The following KLHDC3 variants were observed in gnomAD, a reference collection of about 807,000 sequenced individuals.
The protein encoded by KLHDC3 is kelch domain-containing protein 3.
A neutral mutation model predicts 44.1 loss-of-function variants in KLHDC3; 5 were observed. That is an observed-to-expected ratio of 0.11 (90% confidence interval 0.06 to 0.24). The LOEUF (loss-of-function observed/expected upper bound fraction) is 0.24. KLHDC3 is among the 10% of genes least tolerant of loss of function. KLHDC3 has a pLI of 1.00. For synonymous variants in KLHDC3, 170 were observed against 189.0 expected, an observed-to-expected ratio of 0.90 and a Z score of 0.82; for missense variants, 247 against 514.3, an observed-to-expected ratio of 0.48 and a Z score of 5.03.
chr6:43,020,439 A>G (rs780515237), intron 10 of KLHDC3, among the ~76,000 whole-genome samples: 2 of 152,108 alleles, frequency 1.3e-5, no homozygotes, highest in Non-Finnish European at 2.9e-5. Context: ...CATAAACATA[A>G]ACCGGAAATC....
chr6:43,016,988 T>A (rs1762593826), intron 1 of KLHDC3, 146 bp from the exon 2 acceptor site: 11 of 627,612 alleles, frequency 1.8e-5, no homozygotes, highest in Non-Finnish European at 2.8e-5. Flanking sequence ...GCCAGCCACC[T>A]GAGCTGAGAC....
At chr6:43,015,356 C>T (rs1762539558) in intron 1 of KLHDC3, among the ~76,000 whole-genome samples, 1 of 152,144 alleles carries the variant, frequency 6.6e-6, no homozygotes, top group South Asian at 2.1e-4. Flanking sequence ...AGGGGCCTCC[C>T]TTATTTGAGC....
rs767477810 is a variant in KLHDC3, at chr6:43,017,986, A to G, written c.447+18A>G. ...AGCAGCAGGTAGGTCTGGGAATAAA[A>G]TAAGAGGTTTAGGGTGGGACTGAGA... On this transcript the variant is annotated intron_variant, in intron 4 of 10. Transcript: ENST00000326974. This position sits in a 1 kb window ranked among gnomAD's most constrained non-coding sequence, Gnocchi z 6.0. 3 of 1,595,890 alleles carry G rather than the reference A, an allele frequency of 1.9e-6. No individual in the cohort carries two copies. The highest frequency in any genetic ancestry group is 2.2e-5 in the South Asian group (2 of 90,706).
chr6:43,017,370 C>A lies in KLHDC3; in HGVS notation c.154+24C>A, dbSNP rs200177263. 128 of 1,601,994 alleles carry A rather than the reference C, an allele frequency of 8.0e-5. No individual in the cohort carries two copies. In the East Asian group the frequency reaches 2.8e-3, roughly 35 times the overall value. On this transcript the variant is annotated intron_variant, in intron 2 of 10. Coordinates refer to ENST00000326974, the MANE Select transcript of KLHDC3 (RefSeq NM_057161.4). This position sits in a 1 kb window ranked among gnomAD's most constrained non-coding sequence, Gnocchi z 6.0. ...AGGTAAGCCAATGCTGGGGCTGTCCCTGGGTCCCCACATCAGGGTGGGAAC... is the reference window on the plus strand; with the variant it reads ...AGGTAAGCCAATGCTGGGGCTGTCCATGGGTCCCCACATCAGGGTGGGAAC...
rs764743559 is a variant in KLHDC3 at position 43,017,236 on chromosome 6, T to C, written c.44T>C (p.Val15Ala). Reference sequence around the variant, plus strand: ...CACCTGGAGGGCGGGCCCCGCAGGGTGAACCATGCTGCAGTGGCTGTCGGG... The same window carrying C: ...CACCTGGAGGGCGGGCCCCGCAGGGCGAACCATGCTGCAGTGGCTGTCGGG... ...TVHLEGGPRR[V>A]NHAAVAVGHR... The change falls in exon 2 of 11, where the codon GTG becomes GCG. Residue 15 changes from valine to alanine, a missense_variant. Transcript: ENST00000326974. This position sits in a 1 kb window ranked among gnomAD's most constrained non-coding sequence, Gnocchi z 6.0. The C allele has an allele frequency of 7.4e-6, 12 of 1,613,968 alleles. No individual in the cohort carries two copies. Among genetic ancestry groups the C allele is most frequent in the South Asian group, 3.3e-5 (3 of 91,078 alleles).
chr6:43,017,791 C>A lies in KLHDC3; in HGVS notation c.332-62C>A. On this transcript the variant is annotated intron_variant, in intron 3 of 10. Coordinates refer to ENST00000326974, the MANE Select transcript of KLHDC3 (RefSeq NM_057161.4). The surrounding 1 kb of genome is among the most constrained non-coding windows in gnomAD (Gnocchi z 6.0). ...GGGGGTCTTGGGGAGTAGAGTACCC[C>A]AGAGCTGAGGAGGGACTGTCATAGA... 1 of 1,585,704 alleles carries A rather than the reference C, an allele frequency of 6.3e-7. No homozygotes were observed. The highest frequency in any genetic ancestry group is 8.6e-7 in the Non-Finnish European group (1 of 1,156,576).
chr6:43,014,679 A>C, intron 1 of KLHDC3: 1 of 455,150 alleles, frequency 2.2e-6, no homozygotes, highest in Non-Finnish European at 4.4e-6. Flanking sequence ...GGAAGAAGAC[A>C]GGGATAGAGT....
chr6:43,014,867 G>A (rs1412501358), intron 1 of KLHDC3, among the ~76,000 whole-genome samples: 1 of 152,126 alleles, frequency 6.6e-6, no homozygotes, highest in Admixed American at 6.5e-5. Flanking sequence ...AAATGCAAGA[G>A]ACCAGGCGGG....
chr6:43,015,968 G>A lies in KLHDC3; in HGVS notation c.-59-1166G>A, dbSNP rs868174279. 4.7e-5 allele frequency among the ~76,000 whole-genome samples: 7 copies of A among 150,024 alleles called. No homozygotes were observed. In the South Asian group the frequency reaches 8.4e-4, roughly 18 times the overall value. On this transcript the variant is annotated intron_variant, in intron 1 of 10. Coordinates refer to ENST00000326974, the MANE Select transcript of KLHDC3 (RefSeq NM_057161.4). ...TTTTTTTGTTTTGAGACAGAGTCTC[G>A]CTCTGTCGCCAGACTGGAGTGCAGT...
In KLHDC3 at chr6:43,018,676, A is replaced by T; in HGVS notation, c.777A>T (p.Ala259=). Residue 259 remains alanine (A), a synonymous_variant, in exon 7 of 11, where the codon GCA becomes GCT. Coordinates refer to ENST00000326974, the MANE Select transcript of KLHDC3 (RefSeq NM_057161.4). This position sits in a 1 kb window ranked among gnomAD's most constrained non-coding sequence, Gnocchi z 6.0. ...TGTACATCTTTGGTGGTTATAATGC[A>T]AGGCTGAACCGGCACTTCCATGACC... ...GELYIFGGYN[A]RLNRHFHDLW... 1 of 1,614,130 alleles carries T rather than the reference A, an allele frequency of 6.2e-7. No homozygotes were observed. The highest frequency in any genetic ancestry group is 8.5e-7 in the Non-Finnish European group (1 of 1,180,012).
Position 43,018,096 on chromosome 6 carries a change from A to G in KLHDC3, c.448-49A>G. On this transcript the variant is annotated intron_variant, in intron 4 of 10. Transcript: ENST00000326974. This position sits in a 1 kb window ranked among gnomAD's most constrained non-coding sequence, Gnocchi z 6.0. Reference sequence around the variant, plus strand: ...TGAGGGGAGGGATGGAGGGTCAGAGAGTGACCATTGGCTCCCTCTTTTCTT... The same window carrying G: ...TGAGGGGAGGGATGGAGGGTCAGAGGGTGACCATTGGCTCCCTCTTTTCTT... The G allele has an allele frequency of 6.9e-7, 1 of 1,448,506 alleles. No individual in the cohort carries two copies. The highest frequency in any genetic ancestry group is 9.7e-7 in the Non-Finnish European group (1 of 1,029,312). The allele number at this position is 1,448,506 out of a possible 1,614,324, so 89.7% of individuals were successfully genotyped here.
chr6:43,018,610 T>A lies in KLHDC3; in HGVS notation c.734-23T>A. ...TCCCTTCCTGCCCTCTTCACACTCC[T>A]GACACTTCCTCTCTCCTTCCAGTTG... On this transcript the variant is annotated intron_variant, in intron 6 of 10. Coordinates refer to ENST00000326974, the MANE Select transcript of KLHDC3 (RefSeq NM_057161.4). This position sits in a 1 kb window ranked among gnomAD's most constrained non-coding sequence, Gnocchi z 6.0. 1 of 1,612,744 alleles carries A rather than the reference T, an allele frequency of 6.2e-7. No individual in the cohort carries two copies. The highest frequency in any genetic ancestry group is 8.5e-7 in the Non-Finnish European group (1 of 1,178,766).
At position 43,017,327 on chromosome 6, in the gene KLHDC3, T is replaced by C; in HGVS notation, c.135T>C (p.Asp45=). Residue 45 remains aspartate (D), a synonymous_variant, in exon 2 of 11, where the codon GAT becomes GAC. Transcript: ENST00000326974. This position sits in a 1 kb window ranked among gnomAD's most constrained non-coding sequence, Gnocchi z 6.0. Reference sequence around the variant, plus strand: ...ACTATGAGACACTGCGTCAGATAGATGTGCACATTTTCAATGCAGGTAAGC... The same window carrying C: ...ACTATGAGACACTGCGTCAGATAGACGTGCACATTTTCAATGCAGGTAAGC... ...GEDYETLRQI[D]VHIFNAVSLR... 6.2e-7 allele frequency: 1 copy of C among 1,613,628 alleles called. No individual in the cohort carries two copies. The highest frequency in any genetic ancestry group is 8.5e-7 in the Non-Finnish European group (1 of 1,179,662).
In KLHDC3 at chr6:43,018,315, C is replaced by T; in HGVS notation, c.520-28C>T. 1 of 1,603,502 alleles carries T rather than the reference C, an allele frequency of 6.2e-7. No homozygotes were observed. The highest frequency in any genetic ancestry group is 8.5e-7 in the Non-Finnish European group (1 of 1,171,126). ...TCCTCTTCCAGTCTTTGTGCTGACCCCTCCACCATCTCTCTGCCTCTGCCC... is the reference window on the plus strand; with the variant it reads ...TCCTCTTCCAGTCTTTGTGCTGACCTCTCCACCATCTCTCTGCCTCTGCCC... On this transcript the variant is annotated intron_variant, in intron 5 of 10. Coordinates refer to ENST00000326974, the MANE Select transcript of KLHDC3 (RefSeq NM_057161.4). This position sits in a 1 kb window ranked among gnomAD's most constrained non-coding sequence, Gnocchi z 6.0.
chr6:43,015,352 C>T (rs1412831179), intron 1 of KLHDC3, among the ~76,000 whole-genome samples: 1 of 152,156 alleles, frequency 6.6e-6, no homozygotes, highest in African/African-American at 2.4e-5. Flanking sequence ...TGCAAGGGGC[C>T]TCCCTTATTT....
intron 8 of KLHDC3, 60 bp from the exon 9 acceptor site, chr6:43,019,032 G>A: frequency 6.4e-7 from 1 of 1,573,142 alleles, no homozygotes. Context: ...GGAGGTATTT[G>A]AAAAGGGGGT....
At chr6:43,015,722 C>T (rs1032156897) in intron 1 of KLHDC3, among the ~76,000 whole-genome samples, 7 of 151,900 alleles carry the variant, frequency 4.6e-5, no homozygotes, top group Non-Finnish European at 1.0e-4. Flanking sequence ...TGGTGGCAGG[C>T]GCCTGTAATC....
rs1381026953 is a variant in KLHDC3, at chr6:43,017,875, C to T, written c.354C>T (p.Pro118=). The T allele has an allele frequency of 1.2e-6, 2 of 1,613,840 alleles. No homozygotes were observed. The highest frequency in any genetic ancestry group is 1.7e-6 in the Non-Finnish European group (2 of 1,179,954). ...FDVNTHKWFT[P]RVSGTVPGAR... ...CAGATACGCACAAGTGGTTCACACC[C>T]CGAGTGTCAGGGACAGTTCCTGGGG... is the stretch of plus-strand genomic sequence containing the variant. Residue 118 remains proline (P), a synonymous_variant, in exon 4 of 11, where the codon CCC becomes CCT. Transcript: ENST00000326974. This position sits in a 1 kb window ranked among gnomAD's most constrained non-coding sequence, Gnocchi z 6.0.
intron 1 of KLHDC3, among the ~76,000 whole-genome samples, chr6:43,016,208 C>T (rs1045262840): frequency 6.6e-6 from 1 of 152,192 alleles, no homozygotes; most frequent in Non-Finnish European, 1.5e-5. Context: ...GCTGGGATTA[C>T]AGGTGTGAGC....
Sources: gnomAD v4.1 joint callset for allele counts (sites outside exome capture counted in the v4.1 genomes callset) on GRCh38, gnomAD v4.1.1 for gene constraint, Gnocchi (gnomAD v3.1) non-coding constraint, MANE v1.5 for transcripts, NCBI Gene and HGNC (gene_info 2026-07-23, HGNC 2026-07-21) for gene names.